The following EP300 variants were observed in gnomAD, a reference collection of about 807,000 sequenced individuals.
The protein encoded by EP300 is histone acetyltransferase p300.
EP300 carries 31 observed loss-of-function variants against 264.0 expected under a neutral mutation model. That is an observed-to-expected ratio of 0.12 (90% confidence interval 0.09 to 0.16). The LOEUF (loss-of-function observed/expected upper bound fraction) is 0.16, where lower values mean the gene tolerates loss of function less well. EP300 is among the 10% of genes least tolerant of loss of function. The pLI is 1.00. For synonymous variants in EP300, 1,340 were observed against 1,045.4 expected (o/e 1.28, Z -5.44); for missense variants, 2,766 against 3,052.9 (o/e 0.91, Z 2.21).
chr22:41,110,281 A>ATCCAGCT (rs2058782330), intron 1 of EP300, among the ~76,000 whole-genome samples: 1 of 98,236 alleles, frequency 1.0e-5, no homozygotes, highest in African/African-American at 4.1e-5. Context: ...ATATCCAGCT[A>ATCCAGCT]ATTTTTTTTT....
At chr22:41,106,181 A>C (rs1394608528) in intron 1 of EP300, among the ~76,000 whole-genome samples, 4 of 152,184 alleles carry the variant, frequency 2.6e-5, no homozygotes, top group Non-Finnish European at 5.9e-5. Context: ...AATTTACAAA[A>C]TTTCTCATTT....
chr22:41,136,650 CTG>C, intron 7 of EP300, among the ~76,000 whole-genome samples: 1 of 152,228 alleles, frequency 6.6e-6, no homozygotes, highest in East Asian at 1.9e-4. Context: ...GACAGCGAGA[CTG>C]TGTCTCAAAA....
chr22:41,103,174 A>G (rs1371309514), intron 1 of EP300, among the ~76,000 whole-genome samples: 1 of 152,072 alleles, frequency 6.6e-6, no homozygotes, highest in Admixed American at 6.6e-5. Flanking sequence ...TAAATTGGGG[A>G]GCATAGGAAG....
rs2058680064 is a variant in EP300, at chr22:41,092,805, G to T, written c.-200G>T. 1 of 668,464 alleles carries T rather than the reference G, an allele frequency of 1.5e-6. No homozygotes were observed. Among genetic ancestry groups the T allele is most frequent in the East Asian group, 2.7e-5 (1 of 37,202 alleles). 41.4% of individuals were successfully genotyped at this position (668,464 alleles called of 1,614,324 possible). On this transcript the variant is annotated 5_prime_UTR_variant, in exon 1 of 31. Coordinates refer to ENST00000263253, the MANE Select transcript of EP300 (RefSeq NM_001429.4). ...GGCCCAGGCCCGGCCCCTCGCACTT[G>T]CCCTTACCTTTTCTATCGAGTCCGC... is the stretch of plus-strand genomic sequence containing the variant.
At chr22:41,155,135 T>C (rs1286656079) in intron 17 of EP300, 22 bp downstream of exon 17, 2 of 1,509,226 alleles carry the variant, frequency 1.3e-6, no homozygotes, top group Admixed American at 3.3e-5. Context: ...GTGGTACTTT[T>C]GATTTTATTT....
chr22:41,093,357 T>C (rs971638257), intron 1 of EP300, among the ~76,000 whole-genome samples: 3 of 152,222 alleles, frequency 2.0e-5, no homozygotes, highest in Non-Finnish European at 4.4e-5. Context: ...TATATAGAAA[T>C]GGCCTGTATT....
At position 41,151,876 on chromosome 22, in the gene EP300, C is replaced by A; in HGVS notation, c.2861C>A (p.Pro954His). The change falls in exon 15 of 31, where the codon CCT (proline) becomes CAT (histidine). Residue 954 changes from proline (P) to histidine (H), a missense_variant. Coordinates refer to ENST00000263253, the MANE Select transcript of EP300 (RefSeq NM_001429.4). ...AVSIEGQVSNPPSTSSTEVNS... is the reference protein window; with the variant it reads ...AVSIEGQVSNHPSTSSTEVNS... ...AGCATTGAAGGACAGGTATCAAATC[C>A]TCCATCTACTAGTAGCACAGAAGTG... 6.2e-7 allele frequency: 1 copy of A among 1,614,126 alleles called. No individual in the cohort carries two copies. The highest frequency in any genetic ancestry group is 8.5e-7 in the Non-Finnish European group (1 of 1,180,030).
intron 22 of EP300, among the ~76,000 whole-genome samples, chr22:41,165,149 T>C (rs1437137639): frequency 6.6e-6 from 1 of 152,254 alleles, no homozygotes; most frequent in Non-Finnish European, 1.5e-5. Context: ...ACTTGTCTTT[T>C]AAGTGTGCCT....
intron 2 of EP300, among the ~76,000 whole-genome samples, chr22:41,122,566 A>G (rs945850646): frequency 6.6e-6 from 1 of 152,124 alleles, no homozygotes; most frequent in African/African-American, 2.4e-5. Flanking sequence ...TCATTCTTGT[A>G]AATTACTTAC....
chr22:41,154,682 T>A (rs1043626063), intron 16 of EP300, among the ~76,000 whole-genome samples: 4 of 152,158 alleles, frequency 2.6e-5, no homozygotes, highest in Admixed American at 2.0e-4. Flanking sequence ...TCTTCATAAA[T>A]TTTTAGAAGC....
At chr22:41,168,976 A>G (rs2059155353) in intron 25 of EP300, 109 bp downstream of exon 25, 5 of 1,489,818 alleles carry the variant, frequency 3.4e-6, no homozygotes, top group Middle Eastern at 2.3e-4. Flanking sequence ...TGGTTTGGAA[A>G]TGCAAAATCT....
chr22:41,109,340 C>T (rs1343249969), intron 1 of EP300, among the ~76,000 whole-genome samples: 1 of 151,828 alleles, frequency 6.6e-6, no homozygotes, highest in Non-Finnish European at 1.5e-5. Flanking sequence ...AAAACCCTCA[C>T]TGTAGGCCCT....
Position 41,135,816 on chromosome 22 carries a change from C to T in EP300, c.1532C>T (p.Ala511Val), listed in dbSNP as rs374245119. The T allele has an allele frequency of 6.2e-7, 1 of 1,610,870 alleles. No individual in the cohort carries two copies. The highest frequency in any genetic ancestry group is 8.5e-7 in the Non-Finnish European group (1 of 1,177,132). Residue 511 changes from alanine (A) to valine (V), a missense_variant, in exon 7 of 31, where the codon GCT becomes GTT. Transcript: ENST00000263253. The stretch of plus-strand genomic sequence containing the variant: ...CTGTTATTTCATTTTGACTTAGGTG[C>T]TAGTCCTATGGGAGTAAATGGAGGT... ...QGMRPMSNMS[A>V]SPMGVNGGVG...
Position 41,168,476 on chromosome 22 carries a change from T to C in EP300, c.3902T>C (p.Phe1301Ser), listed in dbSNP as rs1204377100. ...TTGCCATCTACCAGACTTGGCACCT[T>C]TCTAGAGAATCGTGTGAATGACTTT... ...KRLPSTRLGT[F>S]LENRVNDFLR... Residue 1301 changes from phenylalanine (F) to serine (S), a missense_variant, in exon 24 of 31, where the codon TTT becomes TCT. Physicochemically the swap from Phe to Ser is radical, Grantham distance 155. Transcript: ENST00000263253. 6.2e-7 allele frequency: 1 copy of C among 1,614,226 alleles called. No homozygotes were observed. Among genetic ancestry groups the C allele is most frequent in the Non-Finnish European group, 8.5e-7 (1 of 1,180,032 alleles).
chr22:41,101,813 G>C (rs570646375), intron 1 of EP300, among the ~76,000 whole-genome samples: 2 of 152,082 alleles, frequency 1.3e-5, no homozygotes, highest in Admixed American at 1.3e-4. Context: ...TGGGATTGCA[G>C]ATGTGAGCCA....
chr22:41,164,651 G>A lies in EP300; in HGVS notation c.3806+521G>A, dbSNP rs989862610. Among the ~76,000 whole-genome samples the A allele has an allele frequency of 2.6e-5, 4 of 152,286 alleles. No homozygotes were observed. In the East Asian group the frequency reaches 5.8e-4, roughly 22 times the overall value. ...AATCACTTGAACCTGTGAGGGGGAG[G>A]TTGCAGTGAGCTGAGATCACGCCAC... On this transcript the variant is annotated intron_variant, in intron 22 of 30. Coordinates refer to ENST00000263253, the MANE Select transcript of EP300 (RefSeq NM_001429.4).
At chr22:41,173,126 C>T (rs1383648902) in intron 28 of EP300, among the ~76,000 whole-genome samples, 2 of 152,212 alleles carry the variant, frequency 1.3e-5, no homozygotes, top group Non-Finnish European at 2.9e-5. Flanking sequence ...GTTATTTCCC[C>T]ATAGCATATC....
In EP300 at chr22:41,092,594, G is replaced by A; in HGVS notation, c.-411G>A. 1.8e-6 allele frequency: 1 copy of A among 567,310 alleles called. No individual in the cohort carries two copies. The highest frequency in any genetic ancestry group is 3.2e-6 in the Non-Finnish European group (1 of 310,706). The allele number at this position is 567,310 out of a possible 1,614,324, so 35.1% of individuals were successfully genotyped here. A position where few individuals can be genotyped will look rare whatever the true frequency, so the allele number is the denominator to read the frequency against. ...CGCCCCCGCCTCCTTGTGGCGATGA[G>A]AAGGAGGAGGACAGCGCCGAGGAGG... is the stretch of plus-strand genomic sequence containing the variant. On this transcript the variant is annotated 5_prime_UTR_variant, in exon 1 of 31. Coordinates refer to ENST00000263253, the MANE Select transcript of EP300 (RefSeq NM_001429.4).
At chr22:41,113,385 T>C (rs1028213039) in intron 1 of EP300, among the ~76,000 whole-genome samples, 7 of 152,186 alleles carry the variant, frequency 4.6e-5, no homozygotes, top group Non-Finnish European at 8.8e-5. Flanking sequence ...ACTTCTAGTT[T>C]TGGTAATGCT....
Sources: allele counts gnomAD v4.1 joint callset (sites outside exome capture counted in the v4.1 genomes callset), GRCh38; gene constraint gnomAD v4.1.1; transcripts MANE v1.5; gene names NCBI Gene and HGNC (gene_info 2026-07-23, HGNC 2026-07-21).